ADARB2: variants seen among roughly 807,000 people sequenced by gnomAD.
ADARB2 encodes inactive double-stranded RNA-specific editase B2.
In ADARB2, 25 loss-of-function variants were observed where a neutral mutation model predicts 62.2. The ratio of observed to expected loss-of-function variants is 0.40; its 90% CI spans 0.29 to 0.56. The LOEUF is 0.56. Ranked by LOEUF, ADARB2 falls within the 20% of genes least tolerant of loss-of-function variation. The pLI, the probability that ADARB2 is intolerant of heterozygous loss-of-function variation, is 0.43. For missense variants in ADARB2, 1,071 were observed against 1,077.4 expected (o/e 0.99, Z 0.08); for synonymous variants, 572 against 500.8 (o/e 1.14, Z -1.90).
chr10:1,230,242 G>A (rs1830791356), intron 6 of ADARB2, among the ~76,000 whole-genome samples: 1 of 152,168 alleles, frequency 6.6e-6, no homozygotes, highest in African/African-American at 2.4e-5. Context: ...GGCTTCTTTT[G>A]GGAATGTGGT....
chr10:1,186,050 G>T (rs1345435521), intron 8 of ADARB2, among the ~76,000 whole-genome samples: 2 of 152,186 alleles, frequency 1.3e-5, no homozygotes, highest in African/African-American at 4.8e-5. Flanking sequence ...ACCCTGCCCT[G>T]TGACGGCCTG....
intron 1 of ADARB2, among the ~76,000 whole-genome samples, chr10:1,643,590 T>C (rs1834002669): frequency 6.6e-6 from 1 of 152,168 alleles, no homozygotes; most frequent in South Asian, 2.1e-4. Context: ...AAGAGGGAGC[T>C]GCCATGACCT....
At chr10:1,629,486 C>T (rs111477281) in intron 1 of ADARB2, among the ~76,000 whole-genome samples, 4,598 of 150,476 alleles carry the variant, frequency 0.031, 232 homozygotes, top group African/African-American at 0.1. Flanking sequence ...CCCCGCCCTG[C>T]GCCCAACCTC....
intron 1 of ADARB2, among the ~76,000 whole-genome samples, chr10:1,539,401 C>A (rs761769111): frequency 2.0e-5 from 3 of 152,164 alleles, no homozygotes; most frequent in African/African-American, 4.8e-5. Context: ...TGATGCAAAC[C>A]CATCGACCAG....
intron 1 of ADARB2, among the ~76,000 whole-genome samples, chr10:1,388,456 A>T (rs1832542273): frequency 6.6e-6 from 1 of 152,174 alleles, no homozygotes; most frequent in African/African-American, 2.4e-5. Flanking sequence ...TGGCATGATC[A>T]TATATGTAGA....
At chr10:1,487,291 C>A (rs1005827732) in intron 1 of ADARB2, among the ~76,000 whole-genome samples, 4 of 152,260 alleles carry the variant, frequency 2.6e-5, no homozygotes, top group Non-Finnish European at 5.9e-5. Context: ...ATTACTTGAG[C>A]TCTTCAGTTG....
intron 1 of ADARB2, chr10:1,394,780 C>A: frequency 2.6e-5 from 12 of 454,074 alleles, no homozygotes; most frequent in South Asian, 1.9e-4. Context: ...TCTGCAAAGA[C>A]CTGGTAGGAG....
chr10:1,564,912 A>G (rs1181540682), intron 1 of ADARB2, among the ~76,000 whole-genome samples: 1 of 151,976 alleles, frequency 6.6e-6, no homozygotes, highest in South Asian at 2.1e-4. Context: ...TGTGATCTCA[A>G]TTCATCTAAT....
At chr10:1,691,446 T>C (rs1313981097) in intron 1 of ADARB2, among the ~76,000 whole-genome samples, 1 of 152,160 alleles carries the variant, frequency 6.6e-6, no homozygotes, top group African/African-American at 2.4e-5. Flanking sequence ...TCTCAGAGTC[T>C]ATGTCCTTCT....
chr10:1,688,643 C>G (rs765241125), intron 1 of ADARB2, among the ~76,000 whole-genome samples: 2 of 152,148 alleles, frequency 1.3e-5, no homozygotes, highest in Non-Finnish European at 2.9e-5. Flanking sequence ...CACTCAACAT[C>G]TCATCCAACC....
intron 1 of ADARB2, among the ~76,000 whole-genome samples, chr10:1,441,849 C>G (rs1247980240): frequency 6.6e-6 from 1 of 152,144 alleles, no homozygotes; most frequent in African/African-American, 2.4e-5. Context: ...GAAACTTGTG[C>G]TAATTCTGTT....
intron 1 of ADARB2, among the ~76,000 whole-genome samples, chr10:1,726,819 G>A (rs1835171726): frequency 6.6e-6 from 1 of 152,204 alleles, no homozygotes; most frequent in Non-Finnish European, 1.5e-5. Context: ...GGGGAGGAGT[G>A]TGTGCATCCC....
rs1174051740 is a variant in ADARB2, at chr10:1,526,141, G to A, written c.101-146981C>T. 4.6e-5 allele frequency among the ~76,000 whole-genome samples: 7 copies of A among 152,108 alleles called. 1 individual carries two copies. In the South Asian group the frequency reaches 6.2e-4, roughly 14 times the overall value. On this transcript the variant is annotated intron_variant, in intron 1 of 9. Coordinates refer to ENST00000381312, the MANE Select transcript of ADARB2 (RefSeq NM_018702.4). ...AAGCCTTGTTCTAAGGCAGCAGGGC[G>A]GTCTTGCACTTGCGCGGCTGCTCCT...
intron 4 of ADARB2, among the ~76,000 whole-genome samples, chr10:1,265,844 C>G (rs1831192387): frequency 7.7e-6 from 1 of 129,564 alleles, no homozygotes; most frequent in Non-Finnish European, 1.7e-5. Flanking sequence ...GGAAGACGGC[C>G]TGAGCCAGGT....
rs757019118 is a variant in ADARB2, at chr10:1,379,059, A to C, written c.187+15T>G. On this transcript the variant is annotated intron_variant, in intron 2 of 9. Transcript: ENST00000381312. ...CAGGGGCCTTTGTGTACTTCGGGGA[A>C]GGGAAGTTGCTTACTGAGGGTGTCG... is the stretch of plus-strand genomic sequence containing the variant. 1.9e-6 allele frequency: 3 copies of C among 1,605,172 alleles called. No homozygotes were observed. In the Admixed American group the frequency reaches 5.0e-5, roughly 27 times the overall value.
chr10:1,220,168 ATGG>A (rs1447311116), intron 6 of ADARB2, among the ~76,000 whole-genome samples: 119 of 71,130 alleles, frequency 1.7e-3, no homozygotes, highest in African/African-American at 5.9e-3. Flanking sequence ...GATGGTAATG[ATGG>A]TGGTGATGAT....
chr10:1,691,494 G>C (rs2119126492), intron 1 of ADARB2, among the ~76,000 whole-genome samples: 1 of 152,268 alleles, frequency 6.6e-6, no homozygotes, highest in Middle Eastern at 3.4e-3. Flanking sequence ...AGCAGAGACT[G>C]CTGGCTACAG....
intron 1 of ADARB2, among the ~76,000 whole-genome samples, chr10:1,570,097 G>A (rs984211540): frequency 4.0e-5 from 6 of 151,674 alleles, no homozygotes; most frequent in African/African-American, 1.2e-4. Flanking sequence ...ACATACAAAC[G>A]TATATACGTT....
At chr10:1,188,616 C>T (rs200606342) in intron 8 of ADARB2, among the ~76,000 whole-genome samples, 2 of 142,408 alleles carry the variant, frequency 1.4e-5, no homozygotes, top group Non-Finnish European at 3.0e-5. Flanking sequence ...ACCTTCTTGT[C>T]TTTTTTTTTT....
Sources: gnomAD v4.1 joint callset for allele counts (sites outside exome capture counted in the v4.1 genomes callset) on GRCh38, gnomAD v4.1.1 for gene constraint, MANE v1.5 for transcripts, NCBI Gene and HGNC (gene_info 2026-07-23, HGNC 2026-07-21) for gene names.